RNF130: variants seen among roughly 807,000 people sequenced by gnomAD.
RNF130 encodes E3 ubiquitin-protein ligase RNF130.
RNF130 carries 21 observed loss-of-function variants against 44.6 expected under a neutral mutation model. The ratio of observed to expected loss-of-function variants is 0.47; its 90% CI spans 0.33 to 0.68. The LOEUF is 0.68. Among genes scored for constraint, RNF130 ranks in the 30% least tolerant of loss-of-function variants. RNF130 has a pLI of 0.02. For synonymous variants in RNF130, 214 were observed against 210.4 expected (o/e 1.02, Z -0.15); for missense variants, 479 against 560.6 (o/e 0.85, Z 1.47).
intron 3 of RNF130, among the ~76,000 whole-genome samples, chr5:180,009,011 T>C (rs572004914): frequency 6.6e-6 from 1 of 151,890 alleles, no homozygotes; most frequent in African/African-American, 2.4e-5. Context: ...AAAATGAAAA[T>C]ACAGCATATC....
At chr5:179,974,498 G>A (rs547326200) in intron 5 of RNF130, among the ~76,000 whole-genome samples, 10 of 152,352 alleles carry the variant, frequency 6.6e-5, no homozygotes, top group African/African-American at 2.4e-4. Flanking sequence ...TGCGACAGAA[G>A]AGGAAAAGGA....
chr5:180,050,237 G>A (rs1369359461), intron 1 of RNF130, among the ~76,000 whole-genome samples: 3 of 152,220 alleles, frequency 2.0e-5, no homozygotes, highest in African/African-American at 2.4e-5. Context: ...TCTGCAGGGT[G>A]AGCTGGCAGG....
At chr5:179,983,361 G>A (rs1225808963) in intron 3 of RNF130, among the ~76,000 whole-genome samples, 1 of 142,720 alleles carries the variant, frequency 7.0e-6, no homozygotes, top group Non-Finnish European at 1.5e-5. Context: ...TTTGCATATG[G>A]ACATACAATT....
chr5:179,991,520 G>A (rs1483188815), intron 3 of RNF130, among the ~76,000 whole-genome samples: 2 of 152,126 alleles, frequency 1.3e-5, no homozygotes, highest in Admixed American at 1.3e-4. Context: ...GCTTCTTGGA[G>A]GCCTTGTTCT....
intron 1 of RNF130, among the ~76,000 whole-genome samples, chr5:180,053,534 A>C (rs986993418): frequency 3.3e-5 from 5 of 152,240 alleles, no homozygotes; most frequent in Non-Finnish European, 5.9e-5. Context: ...GTACAGGCTT[A>C]CACAGCTTTT....
At chr5:180,027,990 C>T (rs1304767841) in intron 2 of RNF130, among the ~76,000 whole-genome samples, 1 of 152,242 alleles carries the variant, frequency 6.6e-6, no homozygotes, top group Admixed American at 6.5e-5. Context: ...TGTTACTAAG[C>T]GACAGTCCCT....
intron 2 of RNF130, among the ~76,000 whole-genome samples, chr5:180,018,525 C>T (rs916576486): frequency 6.6e-6 from 1 of 152,074 alleles, no homozygotes; most frequent in African/African-American, 2.4e-5. Context: ...CCGCCTGGTC[C>T]CACCCTTGAC....
chr5:179,986,842 CAATTT>C (rs1266102389), intron 3 of RNF130, among the ~76,000 whole-genome samples: 1 of 152,074 alleles, frequency 6.6e-6, no homozygotes, highest in Non-Finnish European at 1.5e-5. Flanking sequence ...GTGATCTCTT[CAATTT>C]CTTTCATCAG....
At chr5:179,963,345 T>C (rs1009727987) in intron 8 of RNF130, 126 bp downstream of exon 8, 9 of 684,942 alleles carry the variant, frequency 1.3e-5, no homozygotes, top group East Asian at 2.7e-5. Context: ...TTTTGCTAGA[T>C]ACGATCCCAT....
intron 4 of RNF130, among the ~76,000 whole-genome samples, chr5:179,978,713 G>A (rs1762767460): frequency 6.6e-6 from 1 of 152,144 alleles, no homozygotes; most frequent in African/African-American, 2.4e-5. Context: ...CAGGAAAGAT[G>A]GTGAGTTGAG....
intron 7 of RNF130, among the ~76,000 whole-genome samples, chr5:179,943,597 G>C (rs1582132161): frequency 1.3e-5 from 2 of 152,334 alleles, no homozygotes; most frequent in Middle Eastern, 3.4e-3. Flanking sequence ...CAACCTGCCT[G>C]CAAGATAGAT....
intron 7 of RNF130, among the ~76,000 whole-genome samples, chr5:179,965,282 C>T (rs1050490191): frequency 3.3e-5 from 5 of 152,242 alleles, no homozygotes; most frequent in Admixed American, 6.5e-5. Flanking sequence ...TAGCACAGTG[C>T]CTGGCACACA....
chr5:180,035,323 T>C (rs1047351518), intron 2 of RNF130, among the ~76,000 whole-genome samples: 2 of 152,218 alleles, frequency 1.3e-5, no homozygotes, highest in African/African-American at 4.8e-5. Context: ...TTTCAAAGAC[T>C]TGGGAATTTC....
chr5:180,024,128 A>G (rs1377524233), intron 2 of RNF130, among the ~76,000 whole-genome samples: 1 of 152,246 alleles, frequency 6.6e-6, no homozygotes, highest in Non-Finnish European at 1.5e-5. Context: ...AGCAGTCCTC[A>G]AAGCTGTCAA....
At chr5:179,981,618 A>G (rs1762843154) in intron 3 of RNF130, among the ~76,000 whole-genome samples, 1 of 152,226 alleles carries the variant, frequency 6.6e-6, no homozygotes, top group Admixed American at 6.5e-5. Flanking sequence ...TCACCCATAA[A>G]ATTTTCACTA....
In RNF130 at chr5:180,015,654, A is replaced by AG. The variant is rs768156520; in HGVS notation, c.443-2344dup. 6.6e-4 allele frequency among the ~76,000 whole-genome samples: 49 copies of AG among 74,660 alleles called. 14 individuals are homozygous for AG. Among genetic ancestry groups the AG allele is most frequent in the South Asian group, 1.1e-3 (3 of 2,644 alleles). 49.0% of individuals were successfully genotyped at this position (74,660 alleles called of 152,430 possible). A position where few individuals can be genotyped will look rare whatever the true frequency, so the allele number is the denominator to read the frequency against. On this transcript the variant is annotated intron_variant, in intron 2 of 8. Coordinates refer to ENST00000521389, the MANE Select transcript of RNF130 (RefSeq NM_018434.6). Reference sequence around the variant, plus strand: ...TAGGGAAAGGAGTAGGGAAAGGAGTAGGAAAGGAGTAGGAAAGGAGTAGGG... The same window carrying AG: ...TAGGGAAAGGAGTAGGGAAAGGAGTAGGGAAAGGAGTAGGAAAGGAGTAGGG...
At chr5:180,057,949 C>A (rs902336437) in intron 1 of RNF130, among the ~76,000 whole-genome samples, 3 of 152,090 alleles carry the variant, frequency 2.0e-5, no homozygotes, top group African/African-American at 7.2e-5. Context: ...TGGGACTAGG[C>A]CCTTTACCTG....
intron 3 of RNF130, among the ~76,000 whole-genome samples, chr5:179,990,696 G>A (rs1763061406): frequency 6.6e-6 from 1 of 152,202 alleles, no homozygotes; most frequent in African/African-American, 2.4e-5. Flanking sequence ...CCCAGACACT[G>A]GCGTTACCGC....
At chr5:179,943,780 A>G (rs466269) in intron 7 of RNF130, among the ~76,000 whole-genome samples, 15,673 of 152,282 alleles carry the variant, frequency 0.1, 958 homozygotes, top group Middle Eastern at 0.19. Context: ...ACCGCAAAGT[A>G]TATTTAACAG....
Sources: gnomAD v4.1 joint callset for allele counts (sites outside exome capture counted in the v4.1 genomes callset) on GRCh38, gnomAD v4.1.1 for gene constraint, MANE v1.5 for transcripts, NCBI Gene and HGNC (gene_info 2026-07-23, HGNC 2026-07-21) for gene names.